The following PIEZO2 variants were observed in gnomAD, a reference collection of about 807,000 sequenced individuals.
PIEZO2 encodes the protein piezo-type mechanosensitive ion channel component 2.
PIEZO2 carries 172 observed loss-of-function variants against 337.3 expected under a neutral mutation model. The ratio of observed to expected loss-of-function variants is 0.51; its 90% CI spans 0.45 to 0.58. The LOEUF (loss-of-function observed/expected upper bound fraction) is 0.58, where lower values mean the gene tolerates loss of function less well. PIEZO2 is among the 20% of genes least tolerant of loss of function. The pLI is 0.00. For missense variants in PIEZO2, 3,028 were observed against 3,391.3 expected (o/e 0.89, Z 2.66); for synonymous variants, 1,251 against 1,228.5 (o/e 1.02, Z -0.38).
rs565547303 is a variant in PIEZO2 at position 11,001,213 on chromosome 18, C to T, written c.161-21553G>A. Among the ~76,000 whole-genome samples, 3 of 152,196 alleles carry T rather than the reference C, an allele frequency of 2.0e-5. No homozygotes were observed. Among genetic ancestry groups the T allele is most frequent in the African/African-American group, 7.2e-5 (3 of 41,520 alleles). The stretch of plus-strand genomic sequence containing the variant: ...GTAAGCCTCCTGAAGGCAGGGCTGC[C>T]GCTAGCATATGGTCTCCAGCTCAGA... On this transcript the variant is annotated intron_variant, in intron 2 of 55. Coordinates refer to ENST00000674853, the MANE Select transcript of PIEZO2 (RefSeq NM_001378183.1). This position sits in a 1 kb window ranked among gnomAD's most constrained non-coding sequence, Gnocchi z 5.3.
In PIEZO2 at chr18:10,760,000, G is replaced by T; in HGVS notation, c.3451-91C>A. The T allele has an allele frequency of 8.6e-7, 1 of 1,169,560 alleles. No homozygotes were observed. The highest frequency in any genetic ancestry group is 1.2e-6 in the Non-Finnish European group (1 of 825,170). The allele number at this position is 1,169,560 out of a possible 1,614,324, so 72.4% of individuals were successfully genotyped here. On this transcript the variant is annotated intron_variant, in intron 24 of 55. Coordinates refer to ENST00000674853, the MANE Select transcript of PIEZO2 (RefSeq NM_001378183.1). The surrounding 1 kb of genome is among the most constrained non-coding windows in gnomAD (Gnocchi z 5.5). The stretch of plus-strand genomic sequence containing the variant: ...GTGTCAGGTCTGTGTAGATGGCGGA[G>T]ACCCATGTCCCTCAGGGCAAGTCTG...
At chr18:11,139,697 A>G (rs1323503456) in intron 1 of PIEZO2, among the ~76,000 whole-genome samples, 1 of 152,192 alleles carries the variant, frequency 6.6e-6, no homozygotes, top group African/African-American at 2.4e-5. Flanking sequence ...ATGGGTTGGG[A>G]GAAATAAAAT....
intron 3 of PIEZO2, among the ~76,000 whole-genome samples, chr18:10,967,356 G>C (rs1030966511): frequency 6.6e-6 from 1 of 152,088 alleles, no homozygotes; most frequent in African/African-American, 2.4e-5. Flanking sequence ...TGACTGATGG[G>C]CATTTGGGCT....
intron 1 of PIEZO2, among the ~76,000 whole-genome samples, chr18:11,119,973 T>C (rs1157815056): frequency 6.6e-6 from 1 of 152,220 alleles, no homozygotes; most frequent in Non-Finnish European, 1.5e-5. Context: ...TAGAGATCAA[T>C]GTACCTCCAT....
At chr18:10,764,390 C>T (rs1387694649) in intron 21 of PIEZO2, among the ~76,000 whole-genome samples, 4 of 152,054 alleles carry the variant, frequency 2.6e-5, no homozygotes, top group African/African-American at 9.7e-5. Flanking sequence ...GCCTGTAATC[C>T]TAGCACTTTG....
At chr18:10,723,251 G>C (rs1249002203) in intron 36 of PIEZO2, among the ~76,000 whole-genome samples, 1 of 152,268 alleles carries the variant, frequency 6.6e-6, no homozygotes, top group East Asian at 1.9e-4. Context: ...ACAGGCGTGA[G>C]CCACCGCGCC....
intron 1 of PIEZO2, among the ~76,000 whole-genome samples, chr18:11,133,810 A>C (rs538510705): frequency 1.3e-5 from 2 of 149,290 alleles, no homozygotes; most frequent in African/African-American, 4.9e-5. Flanking sequence ...ATATGTGTGT[A>C]TATATATATA....
chr18:10,816,374 C>A (rs1196507576), intron 7 of PIEZO2, among the ~76,000 whole-genome samples: 2 of 152,162 alleles, frequency 1.3e-5, no homozygotes, highest in Non-Finnish European at 2.9e-5. Flanking sequence ...AAAGCACTTA[C>A]ATGTTTTCTA....
Position 11,127,803 on chromosome 18 carries a change from A to ATG in PIEZO2, c.64+20720_64+20721dup, listed in dbSNP as rs34849868. Among the ~76,000 whole-genome samples, 111 of 146,828 alleles carry ATG rather than the reference A, an allele frequency of 7.6e-4. No homozygotes were observed. Among genetic ancestry groups the ATG allele is most frequent in the Middle Eastern group, 3.6e-3 (1 of 280 alleles). On this transcript the variant is annotated intron_variant, in intron 1 of 55. Coordinates refer to ENST00000674853, the MANE Select transcript of PIEZO2 (RefSeq NM_001378183.1). The surrounding 1 kb of genome is among the most constrained non-coding windows in gnomAD (Gnocchi z 4.5). The stretch of plus-strand genomic sequence containing the variant: ...TGCATATACGTGTGTGTGTGTGTGC[A>ATG]TGTGTGTGTGTGTGTGTGTGTGTAT...
intron 2 of PIEZO2, among the ~76,000 whole-genome samples, chr18:11,061,013 T>C (rs2037933169): frequency 6.6e-6 from 1 of 152,172 alleles, no homozygotes; most frequent in South Asian, 2.1e-4. Flanking sequence ...CTCAATAAAA[T>C]ACTAGCAAAC....
chr18:11,010,533 G>A (rs1375211446), intron 2 of PIEZO2, among the ~76,000 whole-genome samples: 1 of 152,158 alleles, frequency 6.6e-6, no homozygotes, highest in East Asian at 1.9e-4. Flanking sequence ...GTCTGCACTG[G>A]AAGTGCACCT....
rs2040254246 is a variant in PIEZO2, at chr18:11,128,596, C to A, written c.64+19929G>T. 6.6e-6 allele frequency among the ~76,000 whole-genome samples: 1 copy of A among 152,166 alleles called. No homozygotes were observed. The highest frequency in any genetic ancestry group is 2.4e-5 in the African/African-American group (1 of 41,418). ...ACCACGCTGCCATCAGCCTTTCCAC[C>A]TTTGTCTGAGGACATAAACCCTGCG... On this transcript the variant is annotated intron_variant, in intron 1 of 55. Coordinates refer to ENST00000674853, the MANE Select transcript of PIEZO2 (RefSeq NM_001378183.1). This position sits in a 1 kb window ranked among gnomAD's most constrained non-coding sequence, Gnocchi z 4.1.
intron 36 of PIEZO2, among the ~76,000 whole-genome samples, chr18:10,718,978 AAAATAAATAAATAAAT>A (rs372748367): frequency 1.4e-3 from 199 of 143,040 alleles, no homozygotes; most frequent in Non-Finnish European, 1.7e-3. Flanking sequence ...GACCTTGTCT[AAAATAAATAAATAAAT>A]AAATAAATAA....
rs562608729 is a variant in PIEZO2 at position 10,809,805 on chromosome 18, C to T, written c.918-2531G>A. 8.5e-5 allele frequency among the ~76,000 whole-genome samples: 13 copies of T among 152,274 alleles called. No individual in the cohort carries two copies. In the South Asian group the frequency reaches 2.7e-3, roughly 32 times the overall value. On this transcript the variant is annotated intron_variant, in intron 7 of 55. Transcript: ENST00000674853. ...ACCTGCTCTCCAGGAACTACTCTGT[C>T]TACACTAAGGCCATGTGCTAGCTTG...
At position 10,979,685 on chromosome 18, in the gene PIEZO2, T is replaced by C; in HGVS notation, c.161-25A>G. 2.0e-6 allele frequency: 3 copies of C among 1,515,160 alleles called. No homozygotes were observed. The highest frequency in any genetic ancestry group is 2.6e-6 in the Non-Finnish European group (3 of 1,132,424). The allele number at this position is 1,515,160 out of a possible 1,614,324, so 93.9% of individuals were successfully genotyped here. A position where few individuals can be genotyped will look rare whatever the true frequency, so the allele number is the denominator to read the frequency against. The stretch of plus-strand genomic sequence containing the variant: ...CCTAAGGGATAAAAAGTGCAGAGAT[T>C]GTGAGAGAGCTTAAGATGAAACACA... On this transcript the variant is annotated intron_variant, in intron 2 of 55. Transcript: ENST00000674853. This position sits in a 1 kb window ranked among gnomAD's most constrained non-coding sequence, Gnocchi z 4.0.
At chr18:10,705,884 CT>C in intron 40 of PIEZO2, 138 bp from the exon 41 acceptor site, 3 of 1,132,734 alleles carry the variant, frequency 2.6e-6, no homozygotes, top group Non-Finnish European at 3.6e-6. Flanking sequence ...CTGCTTTGTT[CT>C]TTTAGGATAA....
chr18:10,756,919 T>G (rs2037885005), intron 27 of PIEZO2, among the ~76,000 whole-genome samples: 7 of 78,358 alleles, frequency 8.9e-5, no homozygotes, highest in South Asian at 7.2e-4. Flanking sequence ...GGGATACGGA[T>G]GAGGGATGGA....
intron 2 of PIEZO2, among the ~76,000 whole-genome samples, chr18:10,987,406 A>G (rs919549858): frequency 4.6e-5 from 7 of 152,150 alleles, no homozygotes; most frequent in African/African-American, 1.4e-4. Context: ...GTTAACCCAC[A>G]AATGTATAGC....
In PIEZO2 at chr18:10,671,588, A is replaced by T; in HGVS notation, c.8537T>A (p.Leu2846Ter). Residue 2846 changes from leucine to a stop codon, truncating the protein, a stop_gained, in exon 56 of 56, where the codon TTA becomes TAA. Transcript: ENST00000674853. LOFTEE classifies it high-confidence loss of function. ...CTCTGGTGAGCGATATAGGAATATT[A>T]ATTTGGCATAGAGATCTTCTTCTAG... is the stretch of plus-strand genomic sequence containing the variant. ...LELEEDLYAK[L>*]IFLYRSPETM... 1 of 1,613,872 alleles carries T rather than the reference A, an allele frequency of 6.2e-7. No individual in the cohort carries two copies. The highest frequency in any genetic ancestry group is 1.3e-5 in the African/African-American group (1 of 75,038).
Sources: gnomAD v4.1 joint callset for allele counts (sites outside exome capture counted in the v4.1 genomes callset) on GRCh38, gnomAD v4.1.1 for gene constraint, Gnocchi (gnomAD v3.1) non-coding constraint, MANE v1.5 for transcripts, NCBI Gene and HGNC (gene_info 2026-07-23, HGNC 2026-07-21) for gene names.